The following PCDHA3 variants were observed in gnomAD, a reference collection of about 807,000 sequenced individuals.
The protein encoded by PCDHA3 is protocadherin alpha 3.
A neutral mutation model predicts 62.2 loss-of-function variants in PCDHA3; 41 were observed. The ratio of observed to expected loss-of-function variants is 0.66; its 90% CI spans 0.51 to 0.86. The LOEUF (loss-of-function observed/expected upper bound fraction) is 0.86, where lower values mean the gene tolerates loss of function less well. Ranked by LOEUF, PCDHA3 falls within the 40% of genes least tolerant of loss-of-function variation. PCDHA3 has a pLI of 0.00. For missense variants in PCDHA3, 1,304 were observed against 1,241.2 expected (o/e 1.05, Z -0.76); for synonymous variants, 640 against 555.4 (o/e 1.15, Z -2.14).
At chr5:140,857,599 C>T (rs2044712961) in intron 1 of PCDHA3, 1 of 1,596,308 alleles carries the variant, frequency 6.3e-7, no homozygotes, top group Non-Finnish European at 8.6e-7. Flanking sequence ...GCAAGGTGTA[C>T]GCGCTGCAGC....
chr5:140,950,247 A>G (rs1483854749), intron 1 of PCDHA3, among the ~76,000 whole-genome samples: 1 of 152,004 alleles, frequency 6.6e-6, no homozygotes, highest in East Asian at 1.9e-4. Flanking sequence ...ATTTGTTCCT[A>G]AAGAGCTGAG....
At chr5:140,804,887 C>A in intron 1 of PCDHA3, 2 of 638,802 alleles carry the variant, frequency 3.1e-6, no homozygotes, top group South Asian at 6.0e-5. Context: ...GACTCCTCTC[C>A]TTCCCCTCAC....
chr5:140,803,013 T>C lies in PCDHA3; in HGVS notation c.1816T>C (p.Trp606Arg), dbSNP rs1554122523. The change falls in exon 1 of 4, where the codon TGG becomes CGG. Residue 606 changes from tryptophan to arginine, a missense_variant. Transcript: ENST00000522353. The part of the protein sequence containing the change: ...AVDADSGYNA[W>R]LSYELQPGTG... ...GGATGCAGACTCAGGCTACAACGCG[T>C]GGCTTTCGTATGAGCTGCAGCCTGG... The C allele has an allele frequency of 1.9e-6, 3 of 1,614,030 alleles. No homozygotes were observed.
chr5:140,917,633 A>T (rs537704186), intron 1 of PCDHA3, among the ~76,000 whole-genome samples: 1 of 152,268 alleles, frequency 6.6e-6, no homozygotes, highest in East Asian at 1.9e-4. Context: ...ATGGTTAGCT[A>T]GTTATCCCAG....
intron 1 of PCDHA3, chr5:140,877,040 T>C (rs1252847205): frequency 5.0e-6 from 8 of 1,612,450 alleles, no homozygotes; most frequent in Non-Finnish European, 5.1e-6. Context: ...CTGCAGCCGC[T>C]AGACCACGAG....
At chr5:140,899,111 A>G (rs2067143820) in intron 1 of PCDHA3, among the ~76,000 whole-genome samples, 1 of 152,186 alleles carries the variant, frequency 6.6e-6, no homozygotes, top group Admixed American at 6.5e-5. Context: ...GGGGTTTTCT[A>G]GATATACAAT....
intron 1 of PCDHA3, among the ~76,000 whole-genome samples, chr5:140,957,554 G>A (rs1291687434): frequency 6.6e-6 from 1 of 152,074 alleles, no homozygotes; most frequent in African/African-American, 2.4e-5. Flanking sequence ...ATTCTCTGTG[G>A]AAAAGGAGGG....
intron 1 of PCDHA3, chr5:140,834,600 G>T: frequency 6.2e-7 from 1 of 1,614,148 alleles, no homozygotes; most frequent in Non-Finnish European, 8.5e-7. Context: ...ATTCCGTGGG[G>T]ATCTTCTGGA....
intron 3 of PCDHA3, among the ~76,000 whole-genome samples, chr5:141,004,805 A>G (rs1588069791): frequency 6.6e-6 from 1 of 152,310 alleles, no homozygotes; most frequent in African/African-American, 2.4e-5. Flanking sequence ...GCTGAGCTCA[A>G]TTGCAGATTT....
chr5:141,009,178 G>A (rs1233603015), intron 3 of PCDHA3, among the ~76,000 whole-genome samples: 1 of 152,212 alleles, frequency 6.6e-6, no homozygotes, highest in African/African-American at 2.4e-5. Context: ...GCCTTGGCTG[G>A]GTGTGGTAGC....
intron 1 of PCDHA3, chr5:140,883,598 G>T (rs782009650): frequency 1.2e-6 from 2 of 1,614,008 alleles, no homozygotes; most frequent in Middle Eastern, 1.7e-4. Flanking sequence ...CGTGTCGGTG[G>T]GGGTGGCCGA....
At chr5:140,858,446 T>C in intron 1 of PCDHA3, 1 of 1,533,674 alleles carries the variant, frequency 6.5e-7, no homozygotes, top group Non-Finnish European at 8.9e-7. Context: ...GGTGGGTTAT[T>C]ACGTTTTCAT....
intron 1 of PCDHA3, among the ~76,000 whole-genome samples, chr5:140,855,580 ATAT>A (rs1320529577): frequency 6.7e-6 from 1 of 149,924 alleles, no homozygotes; most frequent in Non-Finnish European, 1.5e-5. Flanking sequence ...ATTTAATAAA[ATAT>A]TAGTATACTC....
At chr5:140,976,528 A>G (rs1238458657) in intron 1 of PCDHA3, among the ~76,000 whole-genome samples, 1 of 152,112 alleles carries the variant, frequency 6.6e-6, no homozygotes, top group East Asian at 1.9e-4. Flanking sequence ...ACCAGCCTAA[A>G]TGACAGAGTA....
intron 1 of PCDHA3, among the ~76,000 whole-genome samples, chr5:140,958,321 AAAAT>A: frequency 1.3e-5 from 2 of 152,256 alleles, no homozygotes; most frequent in Middle Eastern, 6.8e-3. Context: ...TAGAGCTCAA[AAAAT>A]AAATAAATCA....
Position 140,803,529 on chromosome 5 carries a change from C to T in PCDHA3, c.2332C>T (p.Pro778Ser). Reference protein sequence around the residue: ...DLMAFSPSLPPCPISRDREEK... With the variant: ...DLMAFSPSLPSCPISRDREEK... ...CATGGCTTTTAGCCCTAGCCTTCCT[C>T]CTTGTCCAATTAGCCGGGATAGAGA... The change falls in exon 1 of 4, where the codon CCT becomes TCT. Residue 778 changes from proline to serine, a missense_variant. Pro to Ser is a moderately conservative substitution (Grantham distance 74). Coordinates refer to ENST00000522353, the MANE Select transcript of PCDHA3 (RefSeq NM_018906.3). The T allele has an allele frequency of 6.2e-7, 1 of 1,614,216 alleles. No individual in the cohort carries two copies. Among genetic ancestry groups the T allele is most frequent in the African/African-American group, 1.3e-5 (1 of 75,062 alleles).
In PCDHA3 at chr5:141,010,089, G is replaced by A. The variant is rs1588251277; in HGVS notation, c.*152G>A. 3.7e-6 allele frequency: 6 copies of A among 1,612,294 alleles called. No individual in the cohort carries two copies. The highest frequency in any genetic ancestry group is 5.1e-6 in the Non-Finnish European group (6 of 1,179,138). ...AAAGTTCCCTGTGTCTGTCTAGAAC[G>A]CATTTAACAGGTTTTGTCGTAAAAG... On this transcript the variant is annotated 3_prime_UTR_variant, in exon 4 of 4. Transcript: ENST00000522353.
chr5:140,835,609 T>C, intron 1 of PCDHA3: 2 of 1,613,962 alleles, frequency 1.2e-6, no homozygotes, highest in South Asian at 2.2e-5. Flanking sequence ...TCATTGGTGC[T>C]GGACAGCGCT....
At chr5:140,863,942 G>C (rs868949663) in intron 1 of PCDHA3, 1 of 159,974 alleles carries the variant, frequency 6.3e-6, no homozygotes, top group Non-Finnish European at 1.4e-5. Context: ...CAGAGGTTGC[G>C]GTGAGCCTAG....
Sources: allele counts gnomAD v4.1 joint callset (sites outside exome capture counted in the v4.1 genomes callset), GRCh38; gene constraint gnomAD v4.1.1; transcripts MANE v1.5; gene names NCBI Gene and HGNC (gene_info 2026-07-23, HGNC 2026-07-21).